The following GATB variants were observed in gnomAD, a reference collection of about 807,000 sequenced individuals.
GATB encodes the protein glutamyl-tRNA amidotransferase subunit B.
Under a neutral mutation model 62.3 loss-of-function variants are expected in GATB, and 39 were observed. The observed-to-expected ratio is 0.63, with a 90% confidence interval of 0.48 to 0.82. GATB has a LOEUF of 0.82. GATB is among the 40% of genes least tolerant of loss of function. The pLI, the probability that GATB is intolerant of heterozygous loss-of-function variation, is 0.00. For missense variants in GATB, 670 were observed against 684.0 expected (o/e 0.98, Z 0.23); for synonymous variants, 276 against 258.9 (o/e 1.07, Z -0.63).
rs559157646 is a variant in GATB at position 151,687,522 on chromosome 4, C to T, written c.1331+1108G>A. Among the ~76,000 whole-genome samples the T allele has an allele frequency of 1.7e-4, 26 of 152,362 alleles. 1 individual carries two copies. Among genetic ancestry groups the T allele is most frequent in the East Asian group, 1.4e-3 (7 of 5,180 alleles). ...GCTCAGGCCTGGGGCATTTCTCATCCGCATTCCTGAAAGAGGTTCCCAAAT... is the reference window on the plus strand; with the variant it reads ...GCTCAGGCCTGGGGCATTTCTCATCTGCATTCCTGAAAGAGGTTCCCAAAT... On this transcript the variant is annotated intron_variant, in intron 10 of 12. Transcript: ENST00000263985.
intron 12 of GATB, 78 bp from the exon 13 acceptor site, chr4:151,671,380 G>C: frequency 7.1e-7 from 1 of 1,410,446 alleles, no homozygotes. Context: ...TAAGGCTTAA[G>C]TTTACTGAAA....
chr4:151,758,498 T>C (rs189838819), intron 2 of GATB, among the ~76,000 whole-genome samples: 18 of 152,350 alleles, frequency 1.2e-4, no homozygotes, highest in Admixed American at 3.3e-4. Flanking sequence ...AAGGATCATC[T>C]TTATGACCCA....
At chr4:151,718,593 G>A (rs1245685158) in intron 3 of GATB, among the ~76,000 whole-genome samples, 1 of 152,178 alleles carries the variant, frequency 6.6e-6, no homozygotes, top group Non-Finnish European at 1.5e-5. Context: ...AGCCACTGGA[G>A]AACGCAGGTC....
intron 10 of GATB, among the ~76,000 whole-genome samples, chr4:151,687,747 T>C (rs977048048): frequency 8.5e-5 from 13 of 152,164 alleles, no homozygotes; most frequent in Non-Finnish European, 1.8e-4. Flanking sequence ...CCCTCCCCCC[T>C]TCCTGTTTCA....
At chr4:151,731,731 C>T (rs1440206934) in intron 2 of GATB, among the ~76,000 whole-genome samples, 4 of 151,844 alleles carry the variant, frequency 2.6e-5, no homozygotes, top group Admixed American at 6.6e-5. Flanking sequence ...CCCGCTGCCC[C>T]GTCTGGGATG....
chr4:151,708,920 A>G (rs964867194), intron 5 of GATB, among the ~76,000 whole-genome samples: 1 of 152,210 alleles, frequency 6.6e-6, no homozygotes. Context: ...AAAAATCCCA[A>G]GACAAATAGA....
At chr4:151,746,622 C>A (rs551909707) in intron 2 of GATB, among the ~76,000 whole-genome samples, 51 of 152,242 alleles carry the variant, frequency 3.3e-4, no homozygotes, top group Non-Finnish European at 5.4e-4. Flanking sequence ...TGCCTATAAG[C>A]AGTGAAATGG....
At chr4:151,748,285 A>C (rs1739643307) in intron 2 of GATB, among the ~76,000 whole-genome samples, 1 of 152,264 alleles carries the variant, frequency 6.6e-6, no homozygotes, top group African/African-American at 2.4e-5. Context: ...TACAGTAACC[A>C]GAACAGCATG....
At chr4:151,707,252 G>A (rs960080660) in intron 6 of GATB, among the ~76,000 whole-genome samples, 4 of 152,166 alleles carry the variant, frequency 2.6e-5, no homozygotes, top group African/African-American at 4.8e-5. Context: ...ATAAAGAGGT[G>A]GAGTCTAATT....
chr4:151,722,152 C>T (rs1337748769), intron 2 of GATB: 2 of 698,418 alleles, frequency 2.9e-6, no homozygotes, highest in Non-Finnish European at 5.2e-6. Flanking sequence ...AGATGGAAGT[C>T]CAGGTCAGCA....
intron 11 of GATB, 57 bp from the exon 12 acceptor site, chr4:151,672,953 T>C: frequency 6.3e-7 from 1 of 1,597,482 alleles, no homozygotes; most frequent in Non-Finnish European, 8.5e-7. Flanking sequence ...TTCTGCCAGC[T>C]CCATTTGCAG....
At chr4:151,686,098 A>G (rs1019100110) in intron 10 of GATB, among the ~76,000 whole-genome samples, 4 of 152,144 alleles carry the variant, frequency 2.6e-5, no homozygotes, top group African/African-American at 9.7e-5. Context: ...AGCAGATGCC[A>G]CAAGAGTTCA....
At chr4:151,682,507 G>A (rs1448278909) in intron 10 of GATB, among the ~76,000 whole-genome samples, 3 of 152,158 alleles carry the variant, frequency 2.0e-5, no homozygotes, top group Admixed American at 6.5e-5. Flanking sequence ...TGACACCGCG[G>A]CCTTCAGCTC....
In GATB at chr4:151,684,718, A is replaced by C. The variant is rs145493906; in HGVS notation, c.1331+3912T>G. 7.9e-5 allele frequency among the ~76,000 whole-genome samples: 12 copies of C among 152,336 alleles called. No homozygotes were observed. In the East Asian group the frequency reaches 2.3e-3, roughly 29 times the overall value. ...TGGCTTCTCAGTCCTTGTTCCATTT[A>C]AACTGTAAAACACAACTGTTGCCTG... On this transcript the variant is annotated intron_variant, in intron 10 of 12. Coordinates refer to ENST00000263985, the MANE Select transcript of GATB (RefSeq NM_004564.3).
chr4:151,704,502 G>A (rs1560850358), intron 7 of GATB, among the ~76,000 whole-genome samples: 2 of 151,936 alleles, frequency 1.3e-5, no homozygotes, highest in African/African-American at 4.8e-5. Flanking sequence ...CGCCCAGGCT[G>A]GAGTGCAGTG....
Position 151,760,975 on chromosome 4 carries a change from G to A in GATB, c.8C>T (p.Ala3Val), listed in dbSNP as rs374241619. 35 of 1,609,744 alleles carry A rather than the reference G, an allele frequency of 2.2e-5. No homozygotes were observed. The African/African-American group carries it at 4.7e-4, about 22-fold the overall frequency. Residue 3 changes from alanine (A) to valine (V), a missense_variant, in exon 1 of 13, where the codon GCG becomes GTG. Physicochemically the swap from Ala to Val is moderately conservative, Grantham distance 64. Transcript: ENST00000263985. MAAPMLRWGCRGR... is the reference protein window; with the variant it reads MAVPMLRWGCRGR... Reference sequence around the variant, plus strand: ...ACGGCAGCCCCAGCGCAGCATGGGCGCCGCCATTGTAACTCCAGGGTCTTG... The same window carrying A: ...ACGGCAGCCCCAGCGCAGCATGGGCACCGCCATTGTAACTCCAGGGTCTTG...
At position 151,758,435 on chromosome 4, in the gene GATB, CTGTT is replaced by C. The variant is rs1364161535; in HGVS notation, c.327+333_327+336del. 3.9e-5 allele frequency among the ~76,000 whole-genome samples: 6 copies of C among 152,212 alleles called. No individual in the cohort carries two copies. In the East Asian group the frequency reaches 1.2e-3, roughly 29 times the overall value. On this transcript the variant is annotated intron_variant, in intron 2 of 12. Transcript: ENST00000263985. ...TTCAAAGAAGGAATCACACTGTTCT[CTGTT>C]TGTTTATAAGACACATCTCCCCTAC...
intron 8 of GATB, among the ~76,000 whole-genome samples, chr4:151,702,521 T>C (rs545225641): frequency 4.6e-5 from 7 of 152,246 alleles, no homozygotes; most frequent in South Asian, 4.1e-4. Flanking sequence ...GGAAGTGTGA[T>C]TGGTTTCATC....
intron 2 of GATB, among the ~76,000 whole-genome samples, chr4:151,729,661 G>T (rs904509027): frequency 5.9e-5 from 9 of 152,164 alleles, no homozygotes; most frequent in African/African-American, 2.2e-4. Flanking sequence ...GGATTTCATT[G>T]TGCTATTCTT....
Sources: allele counts gnomAD v4.1 joint callset (sites outside exome capture counted in the v4.1 genomes callset), GRCh38; gene constraint gnomAD v4.1.1; transcripts MANE v1.5; gene names NCBI Gene and HGNC (gene_info 2026-07-23, HGNC 2026-07-21).